The following RASGEF1C variants were observed in gnomAD, a reference collection of about 807,000 sequenced individuals.
RASGEF1C encodes the protein ras-GEF domain-containing family member 1C.
In RASGEF1C, 27 loss-of-function variants were observed where a neutral mutation model predicts 58.1. The ratio of observed to expected loss-of-function variants is 0.46; its 90% CI spans 0.34 to 0.64. The LOEUF (loss-of-function observed/expected upper bound fraction) is 0.64, where lower values mean the gene tolerates loss of function less well. RASGEF1C is among the 30% of genes least tolerant of loss of function. The pLI, the probability that RASGEF1C is intolerant of heterozygous loss-of-function variation, is 0.01. For missense variants in RASGEF1C, 502 were observed against 605.1 expected (o/e 0.83, Z 1.79); for synonymous variants, 243 against 246.3 (o/e 0.99, Z 0.13).
intron 4 of RASGEF1C, among the ~76,000 whole-genome samples, chr5:180,131,496 GC>G (rs145820269): frequency 6.6e-6 from 1 of 152,172 alleles, no homozygotes; most frequent in East Asian, 1.9e-4. Context: ...AGTGCTGTGA[GC>G]CCTTCTGCCA....
Position 180,127,532 on chromosome 5 carries a change from A to G in RASGEF1C, c.714+77T>C, listed in dbSNP as rs921479523. 4.9e-6 allele frequency: 7 copies of G among 1,415,684 alleles called. No homozygotes were observed. In the Admixed American group the frequency reaches 1.8e-4, roughly 36 times the overall value. The allele number at this position is 1,415,684 out of a possible 1,614,324, so 87.7% of individuals were successfully genotyped here. ...GGCCACTCCAGCGCTCGCCCAGAGA[A>G]GGCTCGCGGGCTCCCCGGAGAGCGG... On this transcript the variant is annotated intron_variant, in intron 6 of 13. Transcript: ENST00000361132.
chr5:180,205,662 C>T (rs1420552782), intron 1 of RASGEF1C, among the ~76,000 whole-genome samples: 1 of 152,124 alleles, frequency 6.6e-6, no homozygotes, highest in Admixed American at 6.6e-5. Context: ...TGAGCCCAAT[C>T]TCTCTCCTCT....
intron 1 of RASGEF1C, among the ~76,000 whole-genome samples, chr5:180,152,113 T>A (rs1203242250): frequency 1.3e-5 from 2 of 151,754 alleles, no homozygotes; most frequent in African/African-American, 4.8e-5. Context: ...ACTTTTACAC[T>A]GTTGGTGGGA....
chr5:180,205,888 A>G (rs1015236004), intron 1 of RASGEF1C, among the ~76,000 whole-genome samples: 5 of 151,884 alleles, frequency 3.3e-5, no homozygotes, highest in African/African-American at 1.2e-4. Context: ...ATGTGCCACC[A>G]TTCCCGGGTA....
chr5:180,142,053 C>G (rs535231662), intron 1 of RASGEF1C, among the ~76,000 whole-genome samples: 2 of 152,084 alleles, frequency 1.3e-5, no homozygotes, highest in Non-Finnish European at 2.9e-5. Flanking sequence ...GTTTTGTGCA[C>G]GTGGCCTGAA....
intron 10 of RASGEF1C, among the ~76,000 whole-genome samples, chr5:180,116,381 A>G (rs1766068648): frequency 6.6e-6 from 1 of 150,958 alleles, no homozygotes; most frequent in Non-Finnish European, 1.5e-5. Context: ...TCCCAGCCCC[A>G]TCAACTCAGC....
chr5:180,125,179 G>T (rs1363180103), intron 6 of RASGEF1C, among the ~76,000 whole-genome samples: 1 of 151,988 alleles, frequency 6.6e-6, no homozygotes, highest in Non-Finnish European at 1.5e-5. Flanking sequence ...ACAAACAAAA[G>T]AAACATTTAT....
intron 1 of RASGEF1C, among the ~76,000 whole-genome samples, chr5:180,203,917 T>C (rs763931164): frequency 6.6e-6 from 1 of 151,882 alleles, no homozygotes. Context: ...CGCTTGAACC[T>C]GGGAGGCAGA....
chr5:180,137,985 G>A lies in RASGEF1C; in HGVS notation c.68C>T (p.Pro23Leu), dbSNP rs1246383776. The change falls in exon 2 of 14, where the codon CCC becomes CTC. Residue 23 changes from proline to leucine, a missense_variant. Physicochemically the swap from Pro to Leu is moderately conservative, Grantham distance 98. Transcript: ENST00000361132. The surrounding 1 kb of genome is among the most constrained non-coding windows in gnomAD (Gnocchi z 4.1). ...PGSLSPPPTE[P>L]TDGEQAGQPL... ...CTGCCCAGCCTGTTCGCCATCTGTG[G>A]GCTCGGTGGGGGGTGGGCTGAGGCT... 1.9e-6 allele frequency: 3 copies of A among 1,588,842 alleles called. No individual in the cohort carries two copies. The highest frequency in any genetic ancestry group is 2.6e-6 in the Non-Finnish European group (3 of 1,171,902).
Position 180,138,631 on chromosome 5 carries a change from C to T in RASGEF1C, c.-6-573G>A, listed in dbSNP as rs906998422. Among the ~76,000 whole-genome samples, 5 of 152,304 alleles carry T rather than the reference C, an allele frequency of 3.3e-5. No homozygotes were observed. In the South Asian group the frequency reaches 1.0e-3, roughly 32 times the overall value. The stretch of plus-strand genomic sequence containing the variant: ...AGCACAGAAGCTGCTCCATGGACTT[C>T]TCCATCACATGTGCCTCTTTAAGTT... On this transcript the variant is annotated intron_variant, in intron 1 of 13. Transcript: ENST00000361132.
rs947559031 is a variant in RASGEF1C, at chr5:180,197,751, C to A, written c.-7+11277G>T. ...CAGGTGCTTAAACCGTCACAGAGAG[C>A]AGTGGTCATTTTACTATGTATTATT... On this transcript the variant is annotated intron_variant, in intron 1 of 13. Coordinates refer to ENST00000361132, the MANE Select transcript of RASGEF1C (RefSeq NM_175062.4). The surrounding 1 kb of genome is among the most constrained non-coding windows in gnomAD (Gnocchi z 4.7). Among the ~76,000 whole-genome samples the A allele has an allele frequency of 6.6e-6, 1 of 152,200 alleles. No individual in the cohort carries two copies. The highest frequency in any genetic ancestry group is 1.9e-4 in the East Asian group (1 of 5,194).
chr5:180,184,501 C>T (rs1196868979), intron 1 of RASGEF1C, among the ~76,000 whole-genome samples: 10 of 151,666 alleles, frequency 6.6e-5, no homozygotes, highest in South Asian at 2.1e-4. Flanking sequence ...CGCTTGAACC[C>T]GGGAGGTGGA....
rs1038709729 is a variant in RASGEF1C at position 180,131,444 on chromosome 5, C to T, written c.439-2834G>A. 4.6e-5 allele frequency among the ~76,000 whole-genome samples: 7 copies of T among 152,256 alleles called. No individual in the cohort carries two copies. In the South Asian group the frequency reaches 6.2e-4, roughly 14 times the overall value. On this transcript the variant is annotated intron_variant, in intron 4 of 13. Transcript: ENST00000361132. ...GGCACGTTCTCCTCATCCACTGGACCGAAGCTCAAGTGCTGTTTCCCCAGA... is the reference window on the plus strand; with the variant it reads ...GGCACGTTCTCCTCATCCACTGGACTGAAGCTCAAGTGCTGTTTCCCCAGA...
intron 4 of RASGEF1C, among the ~76,000 whole-genome samples, chr5:180,129,155 C>T (rs1360236675): frequency 1.3e-5 from 2 of 152,196 alleles, no homozygotes; most frequent in Non-Finnish European, 2.9e-5. Context: ...CCCCCCAGGG[C>T]TGGCAGTGGC....
chr5:180,103,763 C>T (rs561125888), intron 12 of RASGEF1C, among the ~76,000 whole-genome samples: 2 of 152,276 alleles, frequency 1.3e-5, no homozygotes, highest in East Asian at 1.9e-4. Context: ...ATTGGTCTTA[C>T]GAGGAAAGCA....
At chr5:180,182,063 G>A (rs1043029719) in intron 1 of RASGEF1C, among the ~76,000 whole-genome samples, 7 of 151,790 alleles carry the variant, frequency 4.6e-5, no homozygotes, top group African/African-American at 1.7e-4. Flanking sequence ...AAATTAGCCG[G>A]GCATGGTGGC....
intron 3 of RASGEF1C, chr5:180,136,726 C>G: frequency 1.7e-6 from 1 of 578,358 alleles, no homozygotes; most frequent in Non-Finnish European, 3.0e-6. Context: ...ATCTCTTGCT[C>G]TGGCCTTTCT....
chr5:180,158,776 C>T lies in RASGEF1C; in HGVS notation c.-6-20718G>A, dbSNP rs1766887260. ...CCTCGTGTGGAGCACTTTCCAGTCT[C>T]ACGGGCTGGAATCTCGTGCCCTTCA... On this transcript the variant is annotated intron_variant, in intron 1 of 13. Coordinates refer to ENST00000361132, the MANE Select transcript of RASGEF1C (RefSeq NM_175062.4). The surrounding 1 kb of genome is among the most constrained non-coding windows in gnomAD (Gnocchi z 4.0). Among the ~76,000 whole-genome samples the T allele has an allele frequency of 6.6e-6, 1 of 152,162 alleles. No individual in the cohort carries two copies. Among genetic ancestry groups the T allele is most frequent in the Non-Finnish European group, 1.5e-5 (1 of 68,038 alleles).
At chr5:180,175,844 C>T (rs749398277) in intron 1 of RASGEF1C, among the ~76,000 whole-genome samples, 48 of 152,146 alleles carry the variant, frequency 3.2e-4, no homozygotes, top group African/African-American at 1.0e-3. Context: ...AAAAATTAGC[C>T]GGGCGCAGTG....
Sources: gnomAD v4.1 joint callset for allele counts (sites outside exome capture counted in the v4.1 genomes callset) on GRCh38, gnomAD v4.1.1 for gene constraint, Gnocchi (gnomAD v3.1) non-coding constraint, MANE v1.5 for transcripts, NCBI Gene and HGNC (gene_info 2026-07-23, HGNC 2026-07-21) for gene names.